Variants in AGAP1 observed in about 807,000 individuals in gnomAD.
AGAP1 encodes ArfGAP with GTPase domain, ankyrin repeat and PH domain 1, also known as arf-GAP with GTPase, ANK repeat and PH domain-containing protein 1.
Under a neutral mutation model 105.3 loss-of-function variants are expected in AGAP1, and 29 were observed. The observed-to-expected ratio is 0.28, with a 90% CI of 0.21 to 0.38. The LOEUF is 0.38. AGAP1 is among the 10% of genes least tolerant of loss of function. The pLI is 1.00. For synonymous variants in AGAP1, 509 were observed against 485.9 expected (o/e 1.05, Z -0.63); for missense variants, 998 against 1,165.1 (o/e 0.86, Z 2.09).
chr2:235,798,070 CTT>C (rs1257449273), intron 7 of AGAP1, among the ~76,000 whole-genome samples, 184 bp downstream of exon 7: 2 of 151,914 alleles, frequency 1.3e-5, no homozygotes, highest in Non-Finnish European at 2.9e-5. Flanking sequence ...GGGAATCATT[CTT>C]TTATGTTTTC....
intron 13 of AGAP1, among the ~76,000 whole-genome samples, chr2:236,025,136 G>GT (rs1281080128): frequency 6.6e-6 from 1 of 152,150 alleles, no homozygotes; most frequent in Non-Finnish European, 1.5e-5. Flanking sequence ...CCTGAAATCT[G>GT]TTTTTACAGT....
chr2:235,975,592 G>A lies in AGAP1; in HGVS notation c.1645+6969G>A, dbSNP rs976588952. Among the ~76,000 whole-genome samples, 14 of 152,260 alleles carry A rather than the reference G, an allele frequency of 9.2e-5. No individual in the cohort carries two copies. In the East Asian group the frequency reaches 1.3e-3, roughly 15 times the overall value. ...GGGGTGCAATTAGTGTGCACATGAC[G>A]GTGAGCACATGACTGGCAAGGAGTC... On this transcript the variant is annotated intron_variant, in intron 13 of 17. Coordinates refer to ENST00000304032, the MANE Select transcript of AGAP1 (RefSeq NM_001037131.3).
intron 15 of AGAP1, among the ~76,000 whole-genome samples, chr2:236,043,217 A>T (rs1163968656): frequency 6.6e-6 from 1 of 152,206 alleles, no homozygotes; most frequent in East Asian, 1.9e-4. Flanking sequence ...CAATGTATAT[A>T]AAAAGCTTTT....
chr2:235,693,549 C>A (rs903434606), intron 1 of AGAP1, among the ~76,000 whole-genome samples: 2 of 152,150 alleles, frequency 1.3e-5, no homozygotes, highest in African/African-American at 2.4e-5. Context: ...GAAGGCATTG[C>A]GGAAAGCTCT....
chr2:235,954,487 A>T (rs775515323), intron 12 of AGAP1, among the ~76,000 whole-genome samples: 32 of 148,572 alleles, frequency 2.2e-4, no homozygotes, highest in Non-Finnish European at 4.2e-4. Flanking sequence ...TCGTTCTCTA[A>T]CTTTCTCCTT....
intron 9 of AGAP1, among the ~76,000 whole-genome samples, chr2:235,812,486 C>A (rs1289371624): frequency 1.3e-5 from 2 of 152,198 alleles, no homozygotes; most frequent in Non-Finnish European, 2.9e-5. Flanking sequence ...TTGTCTGGTA[C>A]CTGGGATCAA....
At chr2:235,670,742 G>A in intron 1 of AGAP1, 1 of 911,670 alleles carries the variant, frequency 1.1e-6, no homozygotes. Flanking sequence ...GGACGTGGGC[G>A]AGGTGCTCAG....
At chr2:235,921,851 C>A (rs1483950740) in intron 11 of AGAP1, among the ~76,000 whole-genome samples, 1 of 152,180 alleles carries the variant, frequency 6.6e-6, no homozygotes, top group African/African-American at 2.4e-5. Flanking sequence ...TCCTCTCAGC[C>A]TGAAATTCCA....
rs1220677747 is a variant in AGAP1 at position 235,692,164 on chromosome 2, C to T, written c.164-17015C>T. On this transcript the variant is annotated intron_variant, in intron 1 of 17. Coordinates refer to ENST00000304032, the MANE Select transcript of AGAP1 (RefSeq NM_001037131.3). The surrounding 1 kb of genome is among the most constrained non-coding windows in gnomAD (Gnocchi z 5.8). Reference sequence around the variant, plus strand: ...GCGTTATGTATCCATAAGCCAAAGCCGGGGGCTCCCTGGCAGATGCCCCTA... The same window carrying T: ...GCGTTATGTATCCATAAGCCAAAGCTGGGGGCTCCCTGGCAGATGCCCCTA... 2.6e-5 allele frequency among the ~76,000 whole-genome samples: 4 copies of T among 152,210 alleles called. No individual in the cohort carries two copies. The highest frequency in any genetic ancestry group is 1.9e-4 in the East Asian group (1 of 5,170).
At chr2:235,794,434 A>C (rs1215750886) in intron 6 of AGAP1, among the ~76,000 whole-genome samples, 1 of 152,162 alleles carries the variant, frequency 6.6e-6, no homozygotes, top group Non-Finnish European at 1.5e-5. Flanking sequence ...ATTTGAGAAA[A>C]GATCAAATCT....
intron 16 of AGAP1, among the ~76,000 whole-genome samples, chr2:236,118,611 A>G (rs931759756): frequency 6.7e-6 from 1 of 149,672 alleles, no homozygotes; most frequent in East Asian, 2.0e-4. Flanking sequence ...CTGGTCTCGA[A>G]CTCCTGACCT....
At position 235,612,039 on chromosome 2, in the gene AGAP1, C is replaced by A. The variant is rs570497069; in HGVS notation, c.164-97140C>A. On this transcript the variant is annotated intron_variant, in intron 1 of 17. Transcript: ENST00000304032. The surrounding 1 kb of genome is among the most constrained non-coding windows in gnomAD (Gnocchi z 4.3). ...TGTTAATAATTATGTAAAATCATTC[C>A]TGTCCGCAGCCTAGAGTCTCACTGG... is the stretch of plus-strand genomic sequence containing the variant. Among the ~76,000 whole-genome samples, 1 of 152,340 alleles carries A rather than the reference C, an allele frequency of 6.6e-6. No individual in the cohort carries two copies. The highest frequency in any genetic ancestry group is 1.9e-4 in the East Asian group (1 of 5,188).
Position 235,612,475 on chromosome 2 carries a change from G to T in AGAP1, c.164-96704G>T, listed in dbSNP as rs778271352. ...CCTAGAGTGCTGGGCCCTTCCAGAT[G>T]ATCTATGAATTGGTCTTTGCCTTTG... On this transcript the variant is annotated intron_variant, in intron 1 of 17. Transcript: ENST00000304032. The surrounding 1 kb of genome is among the most constrained non-coding windows in gnomAD (Gnocchi z 4.3). Among the ~76,000 whole-genome samples, 3 of 152,216 alleles carry T rather than the reference G, an allele frequency of 2.0e-5. No individual in the cohort carries two copies. The highest frequency in any genetic ancestry group is 4.4e-5 in the Non-Finnish European group (3 of 68,042).
At chr2:235,763,357 G>A (rs1250979096) in intron 6 of AGAP1, among the ~76,000 whole-genome samples, 3 of 151,862 alleles carry the variant, frequency 2.0e-5, no homozygotes, top group Admixed American at 6.6e-5. Flanking sequence ...AGAGATCCGC[G>A]ACCGTGAAAC....
At chr2:235,541,376 CTTTTTTTTTTTTTTTT>C (rs556785424) in intron 1 of AGAP1, among the ~76,000 whole-genome samples, 4 of 91,108 alleles carry the variant, frequency 4.4e-5, no homozygotes, top group African/African-American at 1.3e-4. Flanking sequence ...CATTCTTATT[CTTTTTTTTTTTTTTTT>C]TTTTTTTTTT....
rs927708126 is a variant in AGAP1 at position 235,967,059 on chromosome 2, C to T, written c.1484-1403C>T. 2.6e-5 allele frequency among the ~76,000 whole-genome samples: 4 copies of T among 152,164 alleles called. No homozygotes were observed. The highest frequency in any genetic ancestry group is 6.5e-5 in the Admixed American group (1 of 15,288). On this transcript the variant is annotated intron_variant, in intron 12 of 17. Coordinates refer to ENST00000304032, the MANE Select transcript of AGAP1 (RefSeq NM_001037131.3). The surrounding 1 kb of genome is among the most constrained non-coding windows in gnomAD (Gnocchi z 4.7). ...AACCCTGCATGGCTCCCCATTCCCCCCAAAGCACAGGCGAGGGTCCTCACG... is the reference window on the plus strand; with the variant it reads ...AACCCTGCATGGCTCCCCATTCCCCTCAAAGCACAGGCGAGGGTCCTCACG...
chr2:235,918,704 A>G (rs2052023218), intron 11 of AGAP1, among the ~76,000 whole-genome samples: 1 of 151,582 alleles, frequency 6.6e-6, no homozygotes, highest in Non-Finnish European at 1.5e-5. Context: ...ATATTCCTGC[A>G]TGTTACCCAT....
intron 1 of AGAP1, among the ~76,000 whole-genome samples, chr2:235,589,194 GTTTTTTT>G (rs928149334): frequency 1.7e-5 from 1 of 59,584 alleles, no homozygotes; most frequent in African/African-American, 8.0e-5. Context: ...TTATTGTTTT[GTTTTTTT>G]TTTTTTTTTT....
At chr2:235,770,133 C>CTTTT (rs57008190) in intron 6 of AGAP1, among the ~76,000 whole-genome samples, 4 of 136,656 alleles carry the variant, frequency 2.9e-5, no homozygotes, top group African/African-American at 5.2e-5. Context: ...TTCTTTGTTT[C>CTTTT]TTTTTTTTTT....
Sources: allele counts gnomAD v4.1 joint callset (sites outside exome capture counted in the v4.1 genomes callset), GRCh38; gene constraint gnomAD v4.1.1; non-coding constraint Gnocchi (gnomAD v3.1); transcripts MANE v1.5; gene names NCBI Gene and HGNC (gene_info 2026-07-23, HGNC 2026-07-21).